The following MTUS1 variants were observed in gnomAD, a reference collection of about 807,000 sequenced individuals.
MTUS1 encodes the protein microtubule-associated tumor suppressor 1.
In MTUS1, 109 loss-of-function variants were observed where a neutral mutation model predicts 120.8. That is an observed-to-expected ratio of 0.90 (90% CI 0.77 to 1.06). The LOEUF is 1.06. Among genes scored for constraint, MTUS1 ranks in the 50% least tolerant of loss-of-function variants. The pLI is 0.00. For synonymous variants in MTUS1, 737 were observed against 550.5 expected (o/e 1.34, Z -4.74); for missense variants, 2,210 against 1,486.3 (o/e 1.49, Z -8.01).
intron 1 of MTUS1, among the ~76,000 whole-genome samples, chr8:17,781,973 T>TA (rs1278427611): frequency 1.3e-5 from 2 of 152,194 alleles, no homozygotes; most frequent in African/African-American, 4.8e-5. Flanking sequence ...CTAAGTGCTA[T>TA]AAAGGCCCTC....
At chr8:17,725,135 G>T (rs1185793038) in intron 3 of MTUS1, among the ~76,000 whole-genome samples, 1 of 151,924 alleles carries the variant, frequency 6.6e-6, no homozygotes, top group Non-Finnish European at 1.5e-5. Context: ...ATATATTCTA[G>T]CACTGTCTCC....
At chr8:17,696,996 G>A (rs1585765587) in intron 6 of MTUS1, among the ~76,000 whole-genome samples, 1 of 152,318 alleles carries the variant, frequency 6.6e-6, no homozygotes. Flanking sequence ...GGCTGGTGAT[G>A]GAGAAAAGAG....
intron 1 of MTUS1, among the ~76,000 whole-genome samples, chr8:17,765,036 C>T (rs2049359621): frequency 6.6e-6 from 1 of 152,066 alleles, no homozygotes; most frequent in Non-Finnish European, 1.5e-5. Context: ...GTAGACAGTC[C>T]CATCTGGAAG....
intron 4 of MTUS1, chr8:17,722,084 T>G (rs73206216): frequency 0.044 from 58,803 of 1,334,598 alleles, 1,446 homozygotes; most frequent in Non-Finnish European, 0.05. Flanking sequence ...ACTCACTGAT[T>G]TGAATGCTTA....
chr8:17,752,213 A>T (rs561291157), intron 2 of MTUS1, among the ~76,000 whole-genome samples: 2 of 65,514 alleles, frequency 3.1e-5, no homozygotes, highest in African/African-American at 6.3e-5. Context: ...GACAAATGTC[A>T]TTAAAGAAAA....
Position 17,654,545 on chromosome 8 carries a change from A to C in MTUS1, c.3214+16T>G. 2.6e-6 allele frequency: 4 copies of C among 1,528,820 alleles called. No individual in the cohort carries two copies. The highest frequency in any genetic ancestry group is 3.6e-6 in the Non-Finnish European group (4 of 1,102,858). The allele number at this position is 1,528,820 out of a possible 1,614,324, so 94.7% of individuals were successfully genotyped here. A position where few individuals can be genotyped will look rare whatever the true frequency, so the allele number is the denominator to read the frequency against. ...CAGATTTTATTCTGTTTAAAGAGGA[A>C]AAAAAGCATCCTTGCCTGAAAGGGA... On this transcript the variant is annotated intron_variant, in intron 10 of 14. Transcript: ENST00000693296.
chr8:17,706,912 T>A (rs1296223530), intron 6 of MTUS1, among the ~76,000 whole-genome samples: 1 of 152,238 alleles, frequency 6.6e-6, no homozygotes, highest in African/African-American at 2.4e-5. Flanking sequence ...AAGGGTGATT[T>A]CTAAACTACA....
At chr8:17,648,885 C>T (rs1159477287) in intron 13 of MTUS1, among the ~76,000 whole-genome samples, 6 of 152,232 alleles carry the variant, frequency 3.9e-5, no homozygotes, top group Non-Finnish European at 7.3e-5. Context: ...GCGGGGATCA[C>T]TTAAGCTGCC....
At chr8:17,771,040 G>A (rs898111258) in intron 1 of MTUS1, among the ~76,000 whole-genome samples, 2 of 152,100 alleles carry the variant, frequency 1.3e-5, no homozygotes, top group African/African-American at 4.8e-5. Context: ...TAATATAATT[G>A]GAATTTAGAT....
At chr8:17,694,881 C>CT (rs1415074494) in intron 6 of MTUS1, among the ~76,000 whole-genome samples, 1 of 152,086 alleles carries the variant, frequency 6.6e-6, no homozygotes, top group Non-Finnish European at 1.5e-5. Context: ...GATTTGGAGG[C>CT]TAAGGGGAAC....
chr8:17,786,754 G>T (rs150999083), intron 1 of MTUS1, among the ~76,000 whole-genome samples: 1 of 152,146 alleles, frequency 6.6e-6, no homozygotes, highest in East Asian at 1.9e-4. Context: ...CGAGCGGTAT[G>T]AAGGAGCTGG....
At chr8:17,720,344 TAAAAAAA>T (rs78717757) in intron 4 of MTUS1, among the ~76,000 whole-genome samples, 2 of 134,458 alleles carry the variant, frequency 1.5e-5, no homozygotes, top group Admixed American at 7.5e-5. Context: ...AAACTCCATC[TAAAAAAA>T]AAAAAAACAA....
intron 8 of MTUS1, among the ~76,000 whole-genome samples, chr8:17,659,554 C>A (rs1419069117): frequency 6.6e-6 from 1 of 151,836 alleles, no homozygotes; most frequent in South Asian, 2.1e-4. Flanking sequence ...ATTAGCTGGG[C>A]GTGGTGGTGT....
chr8:17,739,762 G>A (rs960229511), intron 3 of MTUS1, among the ~76,000 whole-genome samples: 16 of 152,230 alleles, frequency 1.1e-4, no homozygotes, highest in African/African-American at 2.9e-4. Context: ...CCTGGAACCC[G>A]ACATATACTT....
chr8:17,721,842 A>G, intron 4 of MTUS1: 1 of 1,614,146 alleles, frequency 6.2e-7, no homozygotes, highest in African/African-American at 1.3e-5. Context: ...TAGAATTGAT[A>G]AAGATTTTTG....
Position 17,755,414 on chromosome 8 carries a change from C to T in MTUS1, c.394G>A (p.Val132Ile), listed in dbSNP as rs374141727. 6.2e-7 allele frequency: 1 copy of T among 1,614,238 alleles called. No homozygotes were observed. The highest frequency in any genetic ancestry group is 8.5e-7 in the Non-Finnish European group (1 of 1,180,042). Residue 132 changes from valine (V) to isoleucine (I), a missense_variant, in exon 2 of 15, where the codon GTT (valine) becomes ATT (isoleucine). Physicochemically the swap from Val to Ile is conservative, Grantham distance 29. Transcript: ENST00000693296. The stretch of plus-strand genomic sequence containing the variant: ...CACACAAAAGGCAAAGATGGCTCAA[C>T]ACTCTGGCCCTCAACTGCTTCTAGG... Reference protein sequence around the residue: ...HSLEAVEGQSVEPSLPFVWKP... With the variant: ...HSLEAVEGQSIEPSLPFVWKP...
intron 6 of MTUS1, among the ~76,000 whole-genome samples, chr8:17,701,693 G>A (rs938417369): frequency 1.1e-4 from 17 of 151,984 alleles, no homozygotes; most frequent in Admixed American, 3.3e-4. Context: ...GACTACAGGC[G>A]CCCGCCACCA....
chr8:17,660,994 C>T (rs948870482), intron 8 of MTUS1, among the ~76,000 whole-genome samples: 8 of 152,134 alleles, frequency 5.3e-5, no homozygotes, highest in African/African-American at 1.7e-4. Flanking sequence ...TTCTTTTCTC[C>T]TTTAAAAGAA....
chr8:17,692,707 CAAT>C (rs1055535432), intron 6 of MTUS1, among the ~76,000 whole-genome samples: 1 of 151,980 alleles, frequency 6.6e-6, no homozygotes, highest in Non-Finnish European at 1.5e-5. Context: ...GAGCAGAAAA[CAAT>C]AACTTGGGTG....
Sources: allele counts gnomAD v4.1 joint callset (sites outside exome capture counted in the v4.1 genomes callset), GRCh38; gene constraint gnomAD v4.1.1; transcripts MANE v1.5; gene names NCBI Gene and HGNC (gene_info 2026-07-23, HGNC 2026-07-21).